Variants in EPG5 observed in about 807,000 individuals in gnomAD.
The protein encoded by EPG5 is ectopic P granules protein 5 homolog.
EPG5 carries 159 observed loss-of-function variants against 302.7 expected under a neutral mutation model. The ratio of observed to expected loss-of-function variants is 0.53; its 90% CI spans 0.46 to 0.60. The LOEUF (loss-of-function observed/expected upper bound fraction) is 0.60, where lower values mean the gene tolerates loss of function less well. EPG5 is among the 20% of genes least tolerant of loss of function. The pLI, the probability that EPG5 is intolerant of heterozygous loss-of-function variation, is 0.00. For synonymous variants in EPG5, 1,158 were observed against 1,136.8 expected (o/e 1.02, Z -0.37); for missense variants, 2,896 against 3,092.4 (o/e 0.94, Z 1.51).
intron 1 of EPG5, among the ~76,000 whole-genome samples, chr18:45,960,612 T>C (rs549001682): frequency 6.6e-6 from 1 of 152,300 alleles, no homozygotes; most frequent in South Asian, 2.1e-4. Flanking sequence ...AAAAACATGC[T>C]TAACTATACA....
chr18:45,891,779 TG>T (rs2049357845), intron 27 of EPG5, among the ~76,000 whole-genome samples: 1 of 152,152 alleles, frequency 6.6e-6, no homozygotes, highest in Admixed American at 6.5e-5. Flanking sequence ...ATTGGAGAAA[TG>T]AAAGATTAAA....
chr18:45,823,807 T>G, the EPG5 span, among the ~76,000 whole-genome samples: 1 of 152,068 alleles, frequency 6.6e-6, no homozygotes, highest in African/African-American at 2.4e-5. Flanking sequence ...GCACAGCACG[T>G]GCGAGGAAGG....
rs1280940380 is a variant in EPG5, at chr18:45,930,814, G to A, written c.2274C>T (p.Thr758=). 6.3e-7 allele frequency: 1 copy of A among 1,593,332 alleles called. No homozygotes were observed. Among genetic ancestry groups the A allele is most frequent in the African/African-American group, 1.4e-5 (1 of 73,562 alleles). ...KQQLQDPEHF[T]NFEKCLSSMN... is the part of the protein sequence containing the mutation. ...TAGAAGAAAGACACTTCTCAAAGTT[G>A]GTAAAATGTTCTGGGTCTGCAAGTT... Residue 758 remains threonine, a synonymous_variant, in exon 12 of 44, where the codon ACC becomes ACT. Transcript: ENST00000282041.
chr18:45,804,491 GA>G, the EPG5 span, among the ~76,000 whole-genome samples: 1 of 152,154 alleles, frequency 6.6e-6, no homozygotes, highest in Non-Finnish European at 1.5e-5. Flanking sequence ...AGAGTCAAAT[GA>G]ATGGCAAAGT....
rs753961737 is a variant in EPG5, at chr18:45,954,647, A to G, written c.755T>C (p.Leu252Pro). The G allele has an allele frequency of 6.2e-7, 1 of 1,614,262 alleles. No homozygotes were observed. Among genetic ancestry groups the G allele is most frequent in the Non-Finnish European group, 8.5e-7 (1 of 1,180,044 alleles). The change falls in exon 2 of 44, where the codon CTA (leucine) becomes CCA (proline). Residue 252 changes from leucine to proline, a missense_variant. Physicochemically the swap from Leu to Pro is moderately conservative, Grantham distance 98 (BLOSUM62 -3). This residue lies in a region of EPG5 where 1,390 missense variants were observed against 1,430.0 expected (regional missense o/e 0.97). Transcript: ENST00000282041. The stretch of plus-strand genomic sequence containing the variant: ...TAGCTGTTCTTTAGTAAATGGTACT[A>G]GTTCCAGTTGAGACGGGAGTTCTGG... The part of the protein sequence containing the change: ...LYPELPSQLE[L>P]VPFTKEQLKI...
At chr18:45,885,936 G>A (rs1314019694) in intron 29 of EPG5, among the ~76,000 whole-genome samples, 1 of 151,082 alleles carries the variant, frequency 6.6e-6, no homozygotes, top group Non-Finnish European at 1.5e-5. Context: ...CATATGAAAA[G>A]GCATATAACT....
chr18:45,812,121 T>A, the EPG5 span, among the ~76,000 whole-genome samples: 1 of 152,064 alleles, frequency 6.6e-6, no homozygotes, highest in African/African-American at 2.4e-5. Flanking sequence ...TATACACCAA[T>A]AACAGACAAA....
chr18:45,954,943 T>G lies in EPG5; in HGVS notation c.459A>C (p.Glu153Asp). The G allele has an allele frequency of 6.2e-7, 1 of 1,613,806 alleles. No individual in the cohort carries two copies. The highest frequency in any genetic ancestry group is 8.5e-7 in the Non-Finnish European group (1 of 1,179,934). The stretch of plus-strand genomic sequence containing the variant: ...AAGAAAAATTAGATTGGGGTGCACT[T>G]TCTGAAAGTCCACCTTGTACCGACA... ...ENMSVQGGLS[E>D]SAPQSNFSYT... The change falls in exon 2 of 44, where the codon GAA becomes GAC. Residue 153 changes from glutamate to aspartate, a missense_variant. Glu to Asp is a conservative substitution (Grantham distance 45). Transcript: ENST00000282041.
chr18:45,875,429 A>T (rs1165233607), intron 35 of EPG5, among the ~76,000 whole-genome samples: 1 of 152,232 alleles, frequency 6.6e-6, no homozygotes, highest in African/African-American at 2.4e-5. Context: ...TAAATGAAAG[A>T]AAAGATACTA....
At chr18:45,866,601 T>G (rs1371316895) in intron 38 of EPG5, among the ~76,000 whole-genome samples, 197 bp downstream of exon 38, 1 of 152,176 alleles carries the variant, frequency 6.6e-6, no homozygotes, top group Non-Finnish European at 1.5e-5. Context: ...CATGTGACAT[T>G]GCTAGTAAGT....
chr18:45,883,123 T>C (rs959906022), intron 30 of EPG5, among the ~76,000 whole-genome samples: 1 of 152,214 alleles, frequency 6.6e-6, no homozygotes, highest in African/African-American at 2.4e-5. Flanking sequence ...TGTGCTTTTC[T>C]TGCAATTTAA....
chr18:45,839,151 C>T, the EPG5 span: 5 of 1,346,396 alleles, frequency 3.7e-6, no homozygotes, highest in Non-Finnish European at 4.7e-6. Flanking sequence ...GCTCTCTGCT[C>T]TTAGATAAGA....
At chr18:45,906,620 T>C (rs1253799119) in intron 24 of EPG5, among the ~76,000 whole-genome samples, 1 of 152,116 alleles carries the variant, frequency 6.6e-6, no homozygotes, top group Non-Finnish European at 1.5e-5. Context: ...TATTCCCCTA[T>C]GTTTCCATAG....
chr18:45,860,941 AG>A (rs1379449153), intron 39 of EPG5, among the ~76,000 whole-genome samples: 65 of 152,372 alleles, frequency 4.3e-4, no homozygotes, highest in African/African-American at 1.5e-3. Context: ...GTAAAGAGAG[AG>A]GAATTCAAGA....
At chr18:45,852,802 C>T (rs1028001510) in intron 43 of EPG5, among the ~76,000 whole-genome samples, 153 bp from the exon 44 acceptor site, 25 of 152,170 alleles carry the variant, frequency 1.6e-4, no homozygotes, top group African/African-American at 6.0e-4. Flanking sequence ...GGAAGGCAGG[C>T]ATTGATTAAC....
intron 27 of EPG5, 57 bp from the exon 28 acceptor site, chr18:45,889,997 G>A: frequency 7.0e-7 from 1 of 1,424,896 alleles, no homozygotes; most frequent in Non-Finnish European, 9.4e-7. Context: ...GGTTTCCCAT[G>A]AAGACTCAAA....
At chr18:45,895,144 A>ATACCCTACCCTACC (rs2049442142) in intron 27 of EPG5, among the ~76,000 whole-genome samples, 1 of 152,200 alleles carries the variant, frequency 6.6e-6, no homozygotes, top group Admixed American at 6.5e-5. Context: ...ACAGGAATGA[A>ATACCCTACCCTACC]GTAGGGTAGG....
At chr18:45,901,250 TTCCTA>T in intron 25 of EPG5, 83 bp from the exon 26 acceptor site, 1 of 1,213,468 alleles carries the variant, frequency 8.2e-7, no homozygotes, top group Non-Finnish European at 1.2e-6. Flanking sequence ...TTCAGTAGAA[TTCCTA>T]TCCTCAAAAA....
chr18:45,959,831 T>C (rs2051110511), intron 1 of EPG5, among the ~76,000 whole-genome samples: 1 of 151,534 alleles, frequency 6.6e-6, no homozygotes, highest in Non-Finnish European at 1.5e-5. Flanking sequence ...TACAAAAAAT[T>C]AGCCGGGCAT....
Sources: gnomAD v4.1 joint callset for allele counts (sites outside exome capture counted in the v4.1 genomes callset) on GRCh38, gnomAD v4.1.1 for gene constraint, gnomAD v4.1.1 regional missense constraint, MANE v1.5 for transcripts, NCBI Gene and HGNC (gene_info 2026-07-23, HGNC 2026-07-21) for gene names.